Variants in GON4L observed in about 807,000 individuals in gnomAD.
GON4L encodes gon-4 like, also known as GON-4-like protein.
In GON4L, 87 loss-of-function variants were observed where a neutral mutation model predicts 211.8. The ratio of observed to expected loss-of-function variants is 0.41; its 90% CI spans 0.35 to 0.49. GON4L has a LOEUF of 0.49. GON4L is among the 20% of genes least tolerant of loss of function. The pLI is 0.15. For synonymous variants in GON4L, 875 were observed against 962.6 expected, an observed-to-expected ratio of 0.91 and a Z score of 1.68; for missense variants, 2,155 against 2,659.5, an observed-to-expected ratio of 0.81 and a Z score of 4.17.
upstream of GON4L, among the ~76,000 whole-genome samples, chr1:155,858,810 GATCCTCGTGTCTC>G (rs1672474581): frequency 6.7e-6 from 1 of 149,532 alleles, no homozygotes; most frequent in Admixed American, 6.7e-5. Context: ...GGGCTCAAGC[GATCCTCGTGTCTC>G]AGCCTCCCAA....
intron 11 of GON4L, among the ~76,000 whole-genome samples, chr1:155,795,634 C>T (rs1665990752): frequency 6.6e-6 from 1 of 151,146 alleles, no homozygotes; most frequent in Non-Finnish European, 1.5e-5. Context: ...TTTCAGATTT[C>T]AAATTTTCTT....
intron 23 of GON4L, among the ~76,000 whole-genome samples, chr1:155,761,175 GTTTT>G (rs921323729): frequency 6.4e-5 from 7 of 109,540 alleles, no homozygotes; most frequent in East Asian, 2.4e-4. Context: ...CTTATGTGTG[GTTTT>G]TTTTTTTTTT....
chr1:155,763,370 A>T lies in GON4L; in HGVS notation c.4668T>A (p.Pro1556=). ...DEAVGDSAEK[P]PTFASPETAP... is the part of the protein sequence containing the mutation. ...CAGTCTCAGGTGAAGCAAAAGTAGG[A>T]GGCTTCTCAGCAGAGTCTCCAACTG... The change falls in exon 22 of 32, where the codon CCT becomes CCA. Residue 1556 remains proline, a synonymous_variant. Transcript: ENST00000368331. 1 of 1,613,234 alleles carries T rather than the reference A, an allele frequency of 6.2e-7. No homozygotes were observed. The highest frequency in any genetic ancestry group is 8.5e-7 in the Non-Finnish European group (1 of 1,179,596).
At chr1:155,793,256 TG>T (rs1665776112) in intron 12 of GON4L, among the ~76,000 whole-genome samples, 2 of 152,130 alleles carry the variant, frequency 1.3e-5, no homozygotes, top group African/African-American at 4.8e-5. Context: ...TCAAAATAAA[TG>T]AAAGATCTTC....
At chr1:155,748,019 G>A, downstream of GON4L, 36 of 1,606,694 alleles carry the variant, frequency 2.2e-5, no homozygotes, top group Non-Finnish European at 3.1e-5. Context: ...CACAGCTTTT[G>A]GTCTCGTGCA....
intron 2 of GON4L, among the ~76,000 whole-genome samples, chr1:155,847,437 C>T (rs1348053644): frequency 6.6e-6 from 1 of 152,156 alleles, no homozygotes; most frequent in Non-Finnish European, 1.5e-5. Flanking sequence ...GGTGCAGTGA[C>T]TCAAGCCTGT....
At chr1:155,842,880 A>G (rs774151600) in intron 2 of GON4L, among the ~76,000 whole-genome samples, 1 of 152,156 alleles carries the variant, frequency 6.6e-6, no homozygotes, top group Non-Finnish European at 1.5e-5. Context: ...AAGATCAATT[A>G]TAATATAACC....
intron 6 of GON4L, among the ~76,000 whole-genome samples, chr1:155,816,773 T>TAAAAAAA (rs34370558): frequency 5.1e-5 from 4 of 78,074 alleles, no homozygotes; most frequent in Admixed American, 2.0e-4. Context: ...TTTTTTTTCT[T>TAAAAAAA]AAAAAAAAAA....
At chr1:155,767,235 A>G (rs1662609249) in intron 20 of GON4L, 190 bp downstream of exon 20, 1 of 1,315,838 alleles carries the variant, frequency 7.6e-7, no homozygotes, top group Non-Finnish European at 1.0e-6. Flanking sequence ...TATTTTACCT[A>G]TTATTTTGAA....
chr1:155,831,416 C>T (rs984902556), intron 2 of GON4L: 3 of 151,870 alleles, frequency 2.0e-5, no homozygotes, highest in Non-Finnish European at 4.4e-5. Flanking sequence ...TGCTACTGCA[C>T]TCTAGCGTGG....
chr1:155,766,565 G>A lies in GON4L; in HGVS notation c.2908C>T (p.Pro970Ser). The change falls in exon 21 of 32, where the codon CCA becomes TCA. Residue 970 changes from proline to serine, a missense_variant. This residue lies in a region of GON4L where 615 missense variants were observed against 625.7 expected (regional missense o/e 0.98). Coordinates refer to ENST00000368331, the MANE Select transcript of GON4L (RefSeq NM_001282860.2). ...ACTACACCCTTAGGCAATAGCAGTG[G>A]GTACCGAGATTCACTCCCCAACTCC... ...NLELGSESRY[P>S]LLLPKGVVLK... 6 of 1,613,982 alleles carry A rather than the reference G, an allele frequency of 3.7e-6. No homozygotes were observed. Among genetic ancestry groups the A allele is most frequent in the Non-Finnish European group, 5.1e-6 (6 of 1,180,014 alleles).
At chr1:155,780,549 C>A (rs1356406453) in intron 14 of GON4L, among the ~76,000 whole-genome samples, 1 of 151,678 alleles carries the variant, frequency 6.6e-6, no homozygotes, top group Non-Finnish European at 1.5e-5. Context: ...GCCGAGATCG[C>A]GCCACTGCAC....
In GON4L at chr1:155,763,528, T is replaced by C; in HGVS notation, c.4510A>G (p.Arg1504Gly). 9 of 1,549,004 alleles carry C rather than the reference T, an allele frequency of 5.8e-6. No individual in the cohort carries two copies. The highest frequency in any genetic ancestry group is 7.8e-6 in the Non-Finnish European group (9 of 1,146,640). The change falls in exon 22 of 32, where the codon AGG becomes GGG. Residue 1504 changes from arginine (R) to glycine (G), a missense_variant. This residue lies in a region of GON4L where 35 missense variants were observed against 73.9 expected (regional missense o/e 0.47). Transcript: ENST00000368331. ...GACTCACCCTCCTGACTCATGCGCC[T>C]TTCAGATGCCAGCCAAGTCAGTTTC... is the stretch of plus-strand genomic sequence containing the variant. Reference protein sequence around the residue: ...MEKLTWLASERRMSQEGESEE... With the variant: ...MEKLTWLASEGRMSQEGESEE...
chr1:155,817,991 C>G (rs543551114), intron 6 of GON4L, among the ~76,000 whole-genome samples: 2 of 151,504 alleles, frequency 1.3e-5, no homozygotes, highest in Admixed American at 1.3e-4. Flanking sequence ...TGCTCTCCTA[C>G]GTAAACTATA....
At position 155,753,428 on chromosome 1, in the gene GON4L, C is replaced by A; in HGVS notation, c.5632-14G>T. The A allele has an allele frequency of 6.2e-7, 1 of 1,603,838 alleles. No individual in the cohort carries two copies. The highest frequency in any genetic ancestry group is 8.5e-7 in the Non-Finnish European group (1 of 1,171,830). ...GCTGTCACAGACCTGCAGGGATGGTCTTCCGGGTCAAAGGTGTTCTGACTG... is the reference window on the plus strand; with the variant it reads ...GCTGTCACAGACCTGCAGGGATGGTATTCCGGGTCAAAGGTGTTCTGACTG... On this transcript the variant is annotated splice_polypyrimidine_tract_variant and intron_variant, in intron 28 of 31. Transcript: ENST00000368331.
At chr1:155,799,306 T>C (rs1666404971) in intron 11 of GON4L, among the ~76,000 whole-genome samples, 1 of 152,166 alleles carries the variant, frequency 6.6e-6, no homozygotes, top group Admixed American at 6.6e-5. Flanking sequence ...TGGTGGCATG[T>C]GCCTGTAATC....
chr1:155,832,873 A>G (rs1669928696), intron 2 of GON4L: 1 of 151,708 alleles, frequency 6.6e-6, no homozygotes, highest in Non-Finnish European at 1.5e-5. Flanking sequence ...TCTCCTTTAA[A>G]GTTTTCAATA....
At chr1:155,758,862 G>A (rs1375172280) in intron 24 of GON4L, among the ~76,000 whole-genome samples, 1 of 152,058 alleles carries the variant, frequency 6.6e-6, no homozygotes. Context: ...CTGGGTGACA[G>A]AGTCAGACTT....
At chr1:155,790,679 C>T (rs1270906075) in intron 12 of GON4L, among the ~76,000 whole-genome samples, 1 of 152,080 alleles carries the variant, frequency 6.6e-6, no homozygotes, top group Non-Finnish European at 1.5e-5. Flanking sequence ...GGCACAGTGG[C>T]TCACGCCTGT....
Sources: allele counts gnomAD v4.1 joint callset (sites outside exome capture counted in the v4.1 genomes callset), GRCh38; gene constraint gnomAD v4.1.1; regional missense constraint gnomAD v4.1.1; transcripts MANE v1.5; gene names NCBI Gene and HGNC (gene_info 2026-07-23, HGNC 2026-07-21).